The following NOTCH4 variants were observed in gnomAD, a reference collection of about 807,000 sequenced individuals.
NOTCH4 encodes notch receptor 4.
In NOTCH4, 138 loss-of-function variants were observed where a neutral mutation model predicts 189.0. The ratio of observed to expected loss-of-function variants is 0.73; its 90% CI spans 0.64 to 0.84. The LOEUF (loss-of-function observed/expected upper bound fraction) is 0.84. Ranked by LOEUF, NOTCH4 falls within the 40% of genes least tolerant of loss-of-function variation. The pLI is 0.00. For missense variants in NOTCH4, 2,286 were observed against 2,605.4 expected, an observed-to-expected ratio of 0.88 and a Z score of 2.67; for synonymous variants, 942 against 1,032.8, an observed-to-expected ratio of 0.91 and a Z score of 1.69.
At position 32,195,085 on chromosome 6, in the gene NOTCH4, TA is replaced by T; in HGVS notation, c.*351del. The T allele has an allele frequency of 3.3e-6, 1 of 303,360 alleles. No homozygotes were observed. Among genetic ancestry groups the T allele is most frequent in the Non-Finnish European group, 6.2e-6 (1 of 162,526 alleles). The allele number at this position is 303,360 out of a possible 1,614,324, so 18.8% of individuals were successfully genotyped here. ...TGTGGGCAGTGGGGACAATGGATCA[TA>T]GGGGCACCCTTTGGAAACCATATAT... On this transcript the variant is annotated 3_prime_UTR_variant, in exon 30 of 30. Transcript: ENST00000375023. The surrounding 1 kb of genome is among the most constrained non-coding windows in gnomAD (Gnocchi z 5.4).
At position 32,198,839 on chromosome 6, in the gene NOTCH4, G is replaced by T; in HGVS notation, c.4535+87C>A. 1 of 1,456,002 alleles carries T rather than the reference G, an allele frequency of 6.9e-7. No homozygotes were observed. The highest frequency in any genetic ancestry group is 9.3e-7 in the Non-Finnish European group (1 of 1,074,890). 90.2% of individuals were successfully genotyped at this position (1,456,002 alleles called of 1,614,324 possible). A position where few individuals can be genotyped will look rare whatever the true frequency, so the allele number is the denominator to read the frequency against. On this transcript the variant is annotated intron_variant, in intron 24 of 29. Coordinates refer to ENST00000375023, the MANE Select transcript of NOTCH4 (RefSeq NM_004557.4). The surrounding 1 kb of genome is among the most constrained non-coding windows in gnomAD (Gnocchi z 5.5). ...TCTCCTTCCCCTATCTTTGACTTCTGCAATAGTATTTCTTATCTTTTCTGA... is the reference window on the plus strand; with the variant it reads ...TCTCCTTCCCCTATCTTTGACTTCTTCAATAGTATTTCTTATCTTTTCTGA...
chr6:32,212,970 G>A lies in NOTCH4; in HGVS notation c.2439-59C>T, dbSNP rs2127478149. The A allele has an allele frequency of 6.8e-7, 1 of 1,472,800 alleles. No individual in the cohort carries two copies. The highest frequency in any genetic ancestry group is 9.4e-7 in the Non-Finnish European group (1 of 1,066,762). 91.2% of individuals were successfully genotyped at this position (1,472,800 alleles called of 1,614,324 possible). A position where few individuals can be genotyped will look rare whatever the true frequency, so the allele number is the denominator to read the frequency against. ...AAGTTCGGGCAACAAGGGGAAGGTA[G>A]TGTGTGATATTGTCGGGAGGCAACC... On this transcript the variant is annotated intron_variant, in intron 15 of 29. Transcript: ENST00000375023. The surrounding 1 kb of genome is among the most constrained non-coding windows in gnomAD (Gnocchi z 4.4).
At chr6:32,203,481 T>A in intron 20 of NOTCH4, 2 of 447,288 alleles carry the variant, frequency 4.5e-6, no homozygotes, top group Non-Finnish European at 7.9e-6. Flanking sequence ...ACACACAGAG[T>A]TAAAATAACC....
chr6:32,201,739 TA>T lies in NOTCH4; in HGVS notation c.3756-240del. The T allele has an allele frequency of 2.4e-6, 1 of 418,650 alleles. No individual in the cohort carries two copies. Among genetic ancestry groups the T allele is most frequent in the East Asian group, 3.5e-5 (1 of 28,518 alleles). 25.9% of individuals were successfully genotyped at this position (418,650 alleles called of 1,614,324 possible). A position where few individuals can be genotyped will look rare whatever the true frequency, so the allele number is the denominator to read the frequency against. On this transcript the variant is annotated intron_variant, in intron 21 of 29. Coordinates refer to ENST00000375023, the MANE Select transcript of NOTCH4 (RefSeq NM_004557.4). This position sits in a 1 kb window ranked among gnomAD's most constrained non-coding sequence, Gnocchi z 5.5. ...ACCCTCCCAAGCTCTCCTCTGTTTC[TA>T]AAGGAGAGTCCCAGGCCCTTTTCCC...
Position 32,200,938 on chromosome 6 carries a change from C to T in NOTCH4, c.4208G>A (p.Trp1403Ter). ...GPDHPASRCP[W>*]DPGLLLRFLA... ...GAAGCGGAGTAGAAGCCCAGGGTCC[C>T]AGGGACAGCGGGATGCCGGGTGGTC... is the stretch of plus-strand genomic sequence containing the variant. Residue 1403 changes from tryptophan (W) to a stop codon, truncating the protein, a stop_gained, in exon 23 of 30, where the codon TGG (tryptophan) becomes TAG (stop). Transcript: ENST00000375023. LOFTEE classifies it high-confidence loss of function. This position sits in a 1 kb window ranked among gnomAD's most constrained non-coding sequence, Gnocchi z 5.0. 11 of 1,607,518 alleles carry T rather than the reference C, an allele frequency of 6.8e-6. No homozygotes were observed. Among genetic ancestry groups the T allele is most frequent in the Non-Finnish European group, 9.3e-6 (11 of 1,177,274 alleles).
At chr6:32,196,267 A>G (rs1211242054) in intron 29 of NOTCH4, 57 bp downstream of exon 29, 5 of 1,612,840 alleles carry the variant, frequency 3.1e-6, no homozygotes, top group Middle Eastern at 1.6e-4. Context: ...GGGTTACCGC[A>G]CTTTCCATCT....
Position 32,195,909 on chromosome 6 carries a change from G to A in NOTCH4, c.5540C>T (p.Ser1847Leu). The part of the protein sequence containing the change: ...AGPFPRARTV[S>L]VSVPPHGGGA... ...GCCCCCATGCGGGGGCACGCTTACT[G>A]ACACCGTCCGTGCGCGCGGGAAGGG... Residue 1847 changes from serine to leucine, a missense_variant, in exon 30 of 30, where the codon TCA (serine) becomes TTA (leucine). Around this residue, in one of 2 missense-constraint regions of NOTCH4, gnomAD observed 383 missense variants for 343.5 expected, o/e 1.11. Transcript: ENST00000375023. This position sits in a 1 kb window ranked among gnomAD's most constrained non-coding sequence, Gnocchi z 5.4. The A allele has an allele frequency of 6.3e-7, 1 of 1,587,124 alleles. No homozygotes were observed. The highest frequency in any genetic ancestry group is 8.5e-7 in the Non-Finnish European group (1 of 1,174,230).
chr6:32,200,702 G>T lies in NOTCH4; in HGVS notation c.4315+129C>A. 1 of 755,116 alleles carries T rather than the reference G, an allele frequency of 1.3e-6. No homozygotes were observed. The highest frequency in any genetic ancestry group is 2.0e-6 in the Non-Finnish European group (1 of 488,344). The allele number at this position is 755,116 out of a possible 1,614,324, so 46.8% of individuals were successfully genotyped here. On this transcript the variant is annotated intron_variant, in intron 23 of 29. Transcript: ENST00000375023. This position sits in a 1 kb window ranked among gnomAD's most constrained non-coding sequence, Gnocchi z 5.0. ...TTCAGTTAGAGAAAGCGGGGTTAGG[G>T]AAAGTAAGTCCCCACAAAGAACATT...
At position 32,195,521 on chromosome 6, in the gene NOTCH4, C is replaced by G. The variant is rs535015603; in HGVS notation, c.5928G>C (p.Pro1976=). Residue 1976 remains proline (P), a synonymous_variant, in exon 30 of 30, where the codon CCG becomes CCC. Coordinates refer to ENST00000375023, the MANE Select transcript of NOTCH4 (RefSeq NM_004557.4). This position sits in a 1 kb window ranked among gnomAD's most constrained non-coding sequence, Gnocchi z 5.4. The part of the protein sequence containing the change: ...PIPPPCLTPS[P]ERGSPQLDCG... ...AGTCAAGTTGAGGTGATCCCCGCTC[C>G]GGGGACGGAGTAAGGCAAGGAGGCG... The G allele has an allele frequency of 6.2e-7, 1 of 1,613,094 alleles. No homozygotes were observed. Among genetic ancestry groups the G allele is most frequent in the Non-Finnish European group, 8.5e-7 (1 of 1,180,018 alleles).
Position 32,198,511 on chromosome 6 carries a change from C to T in NOTCH4, c.4666G>A (p.Gly1556Ser). The T allele has an allele frequency of 1.9e-6, 3 of 1,613,022 alleles. No homozygotes were observed. Among genetic ancestry groups the T allele is most frequent in the Non-Finnish European group, 2.5e-6 (3 of 1,180,008 alleles). The change falls in exon 26 of 30, where the codon GGT becomes AGT. Residue 1556 changes from glycine to serine, a missense_variant. Physicochemically the swap from Gly to Ser is moderately conservative, Grantham distance 56 (BLOSUM62 0). Coordinates refer to ENST00000375023, the MANE Select transcript of NOTCH4 (RefSeq NM_004557.4). The surrounding 1 kb of genome is among the most constrained non-coding windows in gnomAD (Gnocchi z 5.5). ...PSTCQLWSLS[G>S]GCGALPQAAM... The stretch of plus-strand genomic sequence containing the variant: ...GCCTGAGGGAGCGCCCCACAGCCAC[C>T]ACTCAGAGACCAGAGCTGGCACGTG...
rs147749837 is a variant in NOTCH4, at chr6:32,198,945, C to T, written c.4516G>A (p.Glu1506Lys). ...APHRRRPPLG[E>K]DSIGLKALKP... ...TCTCACTTGAGACCAATGCTGTCCT[C>T]GCCTAGTGGGGGCCGGCGTCGGTGG... Residue 1506 changes from glutamate to lysine, a missense_variant, in exon 24 of 30, where the codon GAG (glutamate) becomes AAG (lysine). Transcript: ENST00000375023. The surrounding 1 kb of genome is among the most constrained non-coding windows in gnomAD (Gnocchi z 5.5). 1.0e-5 allele frequency: 16 copies of T among 1,589,728 alleles called. No individual in the cohort carries two copies. The highest frequency in any genetic ancestry group is 9.0e-5 in the East Asian group (4 of 44,678).
chr6:32,195,634 C>A lies in NOTCH4; in HGVS notation c.5815G>T (p.Gly1939Trp). The A allele has an allele frequency of 6.2e-7, 1 of 1,612,934 alleles. No individual in the cohort carries two copies. The highest frequency in any genetic ancestry group is 1.7e-5 in the Admixed American group (1 of 60,010). ...TCCGTTGAGACCCTGCCTCCGCGCC[C>A]GGCAGCCACTCCGTATCTTCCTCGC... The part of the protein sequence containing the change: ...IMRGRYGVAA[G>W]RGGRVSTDDW... Residue 1939 changes from glycine to tryptophan, a missense_variant, in exon 30 of 30, where the codon GGG (glycine) becomes TGG (tryptophan). Around this residue, in one of 2 missense-constraint regions of NOTCH4, gnomAD observed 383 missense variants for 343.5 expected, o/e 1.11. Transcript: ENST00000375023. This position sits in a 1 kb window ranked among gnomAD's most constrained non-coding sequence, Gnocchi z 5.4.
chr6:32,198,488 C>T lies in NOTCH4; in HGVS notation c.4689G>A (p.Gln1563=). The change falls in exon 26 of 30, where the codon CAG becomes CAA. Residue 1563 remains glutamine, a synonymous_variant. Coordinates refer to ENST00000375023, the MANE Select transcript of NOTCH4 (RefSeq NM_004557.4). This position sits in a 1 kb window ranked among gnomAD's most constrained non-coding sequence, Gnocchi z 5.5. ...CCTGGGGAGGAGTTAGCATGGCTGCCTGAGGGAGCGCCCCACAGCCACCAC... is the reference window on the plus strand; with the variant it reads ...CCTGGGGAGGAGTTAGCATGGCTGCTTGAGGGAGCGCCCCACAGCCACCAC... ...SLSGGCGALP[Q]AAMLTPPQES... is the part of the protein sequence containing the mutation. 1 of 1,612,950 alleles carries T rather than the reference C, an allele frequency of 6.2e-7. No individual in the cohort carries two copies. The highest frequency in any genetic ancestry group is 8.5e-7 in the Non-Finnish European group (1 of 1,180,006).
chr6:32,217,348 G>T lies in NOTCH4; in HGVS notation c.1625-82C>A. On this transcript the variant is annotated intron_variant, in intron 9 of 29. Coordinates refer to ENST00000375023, the MANE Select transcript of NOTCH4 (RefSeq NM_004557.4). The surrounding 1 kb of genome is among the most constrained non-coding windows in gnomAD (Gnocchi z 4.2). ...CATGGCGCCTTCCCTTGCCAGGAAA[G>T]GTGAACTTGCAGAGCTTCCCAGAGA... 1.1e-6 allele frequency: 1 copy of T among 877,272 alleles called. No homozygotes were observed. Among genetic ancestry groups the T allele is most frequent in the Non-Finnish European group, 1.9e-6 (1 of 539,536 alleles). 54.3% of individuals were successfully genotyped at this position (877,272 alleles called of 1,614,324 possible). A position where few individuals can be genotyped will look rare whatever the true frequency, so the allele number is the denominator to read the frequency against.
At position 32,213,685 on chromosome 6, in the gene NOTCH4, C is replaced by T. The variant is rs757337463; in HGVS notation, c.2320+3G>A. The T allele has an allele frequency of 6.2e-7, 1 of 1,612,810 alleles. No individual in the cohort carries two copies. Among genetic ancestry groups the T allele is most frequent in the South Asian group, 1.1e-5 (1 of 91,076 alleles). On this transcript the variant is annotated splice_donor_region_variant and intron_variant, in intron 14 of 29. Coordinates refer to ENST00000375023, the MANE Select transcript of NOTCH4 (RefSeq NM_004557.4). ...CCAGCCCCATGACACAGTGGGCACTCACCAGACACACAGTAGTCAGTGCTG... is the reference window on the plus strand; with the variant it reads ...CCAGCCCCATGACACAGTGGGCACTTACCAGACACACAGTAGTCAGTGCTG...
rs2127487257 is a variant in NOTCH4 at position 32,220,475 on chromosome 6, G to A, written c.1089C>T (p.Thr363=). ...CAATGCAGGTGGATCCCGGGGCACA[G>A]GTGGCAGCAATACAGTCATCCAGGT... ...EENLDDCIAA[T]CAPGSTCIDR... The change falls in exon 6 of 30, where the codon ACC becomes ACT. Residue 363 remains threonine (T), a synonymous_variant. Coordinates refer to ENST00000375023, the MANE Select transcript of NOTCH4 (RefSeq NM_004557.4). 6.2e-7 allele frequency: 1 copy of A among 1,613,824 alleles called. No homozygotes were observed. The highest frequency in any genetic ancestry group is 8.5e-7 in the Non-Finnish European group (1 of 1,180,034).
Position 32,202,141 on chromosome 6 carries a change from G to T in NOTCH4, c.3690C>A (p.His1230Gln). 1 of 1,516,040 alleles carries T rather than the reference G, an allele frequency of 6.6e-7. No individual in the cohort carries two copies. The highest frequency in any genetic ancestry group is 8.8e-7 in the Non-Finnish European group (1 of 1,132,236). The allele number at this position is 1,516,040 out of a possible 1,614,324, so 93.9% of individuals were successfully genotyped here. ...CWLLFRDGQC[H>Q]PQCDSEECLF... ...GACACTCTTCAGAGTCACACTGTGGGTGGCACTGCCCGTCCCGGAAGAGAA... is the reference window on the plus strand; with the variant it reads ...GACACTCTTCAGAGTCACACTGTGGTTGGCACTGCCCGTCCCGGAAGAGAA... Residue 1230 changes from histidine to glutamine, a missense_variant, in exon 21 of 30, where the codon CAC becomes CAA. By Grantham distance (24) the His-to-Gln change is conservative. This residue lies in a region of NOTCH4 where 1,903 missense variants were observed against 2,261.9 expected (regional missense o/e 0.84). Coordinates refer to ENST00000375023, the MANE Select transcript of NOTCH4 (RefSeq NM_004557.4). This position sits in a 1 kb window ranked among gnomAD's most constrained non-coding sequence, Gnocchi z 5.7.
Position 32,213,786 on chromosome 6 carries a change from C to A in NOTCH4, c.2222G>T (p.Gly741Val). 1 of 1,612,194 alleles carries A rather than the reference C, an allele frequency of 6.2e-7. No individual in the cohort carries two copies. Among genetic ancestry groups the A allele is most frequent in the Non-Finnish European group, 8.5e-7 (1 of 1,179,946 alleles). The change falls in exon 14 of 30, where the codon GGC becomes GTC. Residue 741 changes from glycine to valine, a missense_variant. Around this residue, in one of 2 missense-constraint regions of NOTCH4, gnomAD observed 1,903 missense variants for 2,261.9 expected, o/e 0.84. Transcript: ENST00000375023. ...TACHSGPCLNGGSCNPSPGGY... is the reference protein window; with the variant it reads ...TACHSGPCLNVGSCNPSPGGY... The stretch of plus-strand genomic sequence containing the variant: ...TCCAGGGCTAGGGTTGCAGGAGCCG[C>A]CATTGAGACATGGCCCTGAGTGACA...
Position 32,195,948 on chromosome 6 carries a change from C to T in NOTCH4, c.5501G>A (p.Gly1834Asp). The stretch of plus-strand genomic sequence containing the variant: ...GCGCGGGAAGGGCCCAGCCTCGCGG[C>T]CCGGCGTGGCTTTGTGACGGGCCTC... Reference protein sequence around the residue: ...PPEARHKATPGREAGPFPRAR... With the variant: ...PPEARHKATPDREAGPFPRAR... The change falls in exon 30 of 30, where the codon GGC becomes GAC. Residue 1834 changes from glycine (G) to aspartate (D), a missense_variant. Physicochemically the swap from Gly to Asp is moderately conservative, Grantham distance 94. Around this residue, in one of 2 missense-constraint regions of NOTCH4, gnomAD observed 383 missense variants for 343.5 expected, o/e 1.11. Transcript: ENST00000375023. This position sits in a 1 kb window ranked among gnomAD's most constrained non-coding sequence, Gnocchi z 5.4. 1 of 1,592,510 alleles carries T rather than the reference C, an allele frequency of 6.3e-7. No homozygotes were observed. Among genetic ancestry groups the T allele is most frequent in the South Asian group, 1.1e-5 (1 of 90,148 alleles).
Sources: allele counts gnomAD v4.1 joint callset, GRCh38; gene constraint gnomAD v4.1.1; regional missense constraint gnomAD v4.1.1; non-coding constraint Gnocchi (gnomAD v3.1); transcripts MANE v1.5; gene names NCBI Gene and HGNC (gene_info 2026-07-23, HGNC 2026-07-21).